SNX9: variants seen among roughly 807,000 people sequenced by gnomAD.
The protein encoded by SNX9 is sorting nexin-9.
SNX9 carries 44 observed loss-of-function variants against 89.4 expected under a neutral mutation model. The observed-to-expected ratio is 0.49, with a 90% CI of 0.39 to 0.63. The LOEUF (loss-of-function observed/expected upper bound fraction) is 0.63, where lower values mean the gene tolerates loss of function less well. Among genes scored for constraint, SNX9 ranks in the 30% least tolerant of loss-of-function variants. SNX9 has a pLI of 0.00. For missense variants in SNX9, 578 were observed against 736.1 expected, an observed-to-expected ratio of 0.79 and a Z score of 2.49; for synonymous variants, 236 against 247.8, an observed-to-expected ratio of 0.95 and a Z score of 0.45.
Position 157,927,224 on chromosome 6 carries a change from G to A in SNX9, c.1184+10G>A, listed in dbSNP as rs1040851787. The stretch of plus-strand genomic sequence containing the variant: ...TGGACTTAGTAGAAATGTGAGAGAC[G>A]CTGCCAGGTTTTCTTTCTTCTCAAT... On this transcript the variant is annotated intron_variant, in intron 11 of 17. Coordinates refer to ENST00000392185, the MANE Select transcript of SNX9 (RefSeq NM_016224.5). 3.8e-6 allele frequency: 6 copies of A among 1,587,764 alleles called. No homozygotes were observed. The highest frequency in any genetic ancestry group is 4.5e-5 in the East Asian group (2 of 44,718).
intron 12 of SNX9, among the ~76,000 whole-genome samples, chr6:157,929,974 G>A (rs1038769503): frequency 5.3e-5 from 8 of 152,150 alleles, no homozygotes; most frequent in African/African-American, 1.9e-4. Context: ...ACACACCCAT[G>A]CCCATTTATT....
chr6:157,923,749 AAACC>A (rs1783631446), intron 10 of SNX9, among the ~76,000 whole-genome samples: 1 of 152,226 alleles, frequency 6.6e-6, no homozygotes, highest in Non-Finnish European at 1.5e-5. Context: ...AAGGCTAGAC[AAACC>A]AACCAGTAGA....
At chr6:157,918,220 T>C (rs1783514006) in intron 9 of SNX9, among the ~76,000 whole-genome samples, 1 of 152,166 alleles carries the variant, frequency 6.6e-6, no homozygotes. Context: ...AATTTAACAT[T>C]ATGATTAGTG....
chr6:157,854,256 A>G (rs1781967425), intron 1 of SNX9, among the ~76,000 whole-genome samples: 1 of 152,326 alleles, frequency 6.6e-6, no homozygotes, highest in East Asian at 1.9e-4. Flanking sequence ...CAATAAAGCT[A>G]TTTTAATTTG....
At position 157,890,588 on chromosome 6, in the gene SNX9, T is replaced by G. The variant is rs117675311; in HGVS notation, c.301-6239T>G. On this transcript the variant is annotated intron_variant, in intron 4 of 17. Coordinates refer to ENST00000392185, the MANE Select transcript of SNX9 (RefSeq NM_016224.5). ...TCTACCTGTGGTGATTACATAGATT[T>G]AAGCGTGTCCCAGAGACCCAACCAG... 6.3e-3 allele frequency among the ~76,000 whole-genome samples: 964 copies of G among 152,276 alleles called. 8 individuals are homozygous for G. The highest frequency in any genetic ancestry group is 5.9e-3 in the Non-Finnish European group (404 of 68,024).
At chr6:157,898,315 T>C (rs1284060251) in intron 5 of SNX9, among the ~76,000 whole-genome samples, 1 of 152,184 alleles carries the variant, frequency 6.6e-6, no homozygotes, top group Non-Finnish European at 1.5e-5. Flanking sequence ...AAACGCTGGG[T>C]TGGTAAAGTA....
Position 157,831,637 on chromosome 6 carries a change from G to A in SNX9, c.12+8191G>A, listed in dbSNP as rs116718065. 8.9e-3 allele frequency among the ~76,000 whole-genome samples: 1,349 copies of A among 152,304 alleles called. 21 individuals carry two copies. Among genetic ancestry groups the A allele is most frequent in the African/African-American group, 0.031 (1,285 of 41,548 alleles). On this transcript the variant is annotated intron_variant, in intron 1 of 17. Transcript: ENST00000392185. ...TCCCAGGTTTGTGGAGTCTCCCAGCGGGAAATCCTGCCTCAGCACATGTGT... is the reference window on the plus strand; with the variant it reads ...TCCCAGGTTTGTGGAGTCTCCCAGCAGGAAATCCTGCCTCAGCACATGTGT...
chr6:157,934,529 T>C (rs552839635), intron 13 of SNX9, among the ~76,000 whole-genome samples: 34 of 152,332 alleles, frequency 2.2e-4, no homozygotes, highest in Non-Finnish European at 3.8e-4. Context: ...GCATTTTATA[T>C]GCCCCCAGGA....
chr6:157,877,173 G>C (rs1179052657), intron 4 of SNX9, among the ~76,000 whole-genome samples: 2 of 151,580 alleles, frequency 1.3e-5, no homozygotes, highest in Non-Finnish European at 2.9e-5. Flanking sequence ...GTCATGTTCT[G>C]TTAGGAAATA....
chr6:157,890,974 G>A (rs758220337), intron 4 of SNX9, among the ~76,000 whole-genome samples: 6 of 143,868 alleles, frequency 4.2e-5, no homozygotes, highest in Non-Finnish European at 9.1e-5. Flanking sequence ...CTCAGACACT[G>A]TTATTTTAAG....
At chr6:157,851,132 C>G (rs758310699) in intron 1 of SNX9, among the ~76,000 whole-genome samples, 1 of 151,862 alleles carries the variant, frequency 6.6e-6, no homozygotes, top group Non-Finnish European at 1.5e-5. Context: ...GTGGCACATG[C>G]CTGTAATCCC....
intron 7 of SNX9, among the ~76,000 whole-genome samples, chr6:157,906,497 A>G (rs1201300889): frequency 6.6e-6 from 1 of 152,128 alleles, no homozygotes; most frequent in Admixed American, 6.5e-5. Context: ...TATTTTACAT[A>G]GTTTTTCTGC....
At chr6:157,937,679 G>T (rs974862208) in intron 15 of SNX9, among the ~76,000 whole-genome samples, 156 bp downstream of exon 15, 6 of 152,186 alleles carry the variant, frequency 3.9e-5, no homozygotes, top group African/African-American at 1.4e-4. Context: ...ACATTGGTTT[G>T]GGGTGTCCTC....
chr6:157,887,282 C>G (rs1307828889), intron 4 of SNX9, among the ~76,000 whole-genome samples: 1 of 152,166 alleles, frequency 6.6e-6, no homozygotes, highest in Admixed American at 6.5e-5. Context: ...CCCGATGCCC[C>G]GTGAATCATG....
chr6:157,870,603 C>G (rs1413482985), intron 2 of SNX9, among the ~76,000 whole-genome samples: 53 of 150,174 alleles, frequency 3.5e-4, no homozygotes, highest in African/African-American at 1.2e-3. Context: ...ACACACCCCT[C>G]AGACACTCTC....
At chr6:157,883,110 A>G (rs891512903) in intron 4 of SNX9, among the ~76,000 whole-genome samples, 15 of 152,168 alleles carry the variant, frequency 9.9e-5, no homozygotes, top group African/African-American at 2.7e-4. Context: ...GCAGTCATGA[A>G]CATCAAAACA....
intron 4 of SNX9, among the ~76,000 whole-genome samples, chr6:157,894,369 G>A (rs768364882): frequency 4.1e-5 from 6 of 147,670 alleles, no homozygotes; most frequent in South Asian, 2.1e-4. Flanking sequence ...CTCGGCCTCC[G>A]AAAGTGGTAG....
intron 1 of SNX9, chr6:157,830,582 T>C (rs1781461483): frequency 6.6e-6 from 1 of 152,320 alleles, no homozygotes; most frequent in South Asian, 2.1e-4. Context: ...ACGTTAGTTC[T>C]AGAACAGTGC....
intron 1 of SNX9, among the ~76,000 whole-genome samples, chr6:157,831,517 A>C (rs1781478633): frequency 6.6e-6 from 1 of 152,170 alleles, no homozygotes; most frequent in Non-Finnish European, 1.5e-5. Flanking sequence ...CCTTATGCTG[A>C]GGTCCTTTTG....
Sources: gnomAD v4.1 joint callset for allele counts (sites outside exome capture counted in the v4.1 genomes callset) on GRCh38, gnomAD v4.1.1 for gene constraint, MANE v1.5 for transcripts, NCBI Gene and HGNC (gene_info 2026-07-23, HGNC 2026-07-21) for gene names.